The following PRDM12 variants were observed in gnomAD, a reference collection of about 807,000 sequenced individuals.
The protein encoded by PRDM12 is PR/SET domain 12.
Under a neutral mutation model 29.6 loss-of-function variants are expected in PRDM12, and 17 were observed. The ratio of observed to expected loss-of-function variants is 0.57; its 90% CI spans 0.39 to 0.86. The LOEUF is 0.86. PRDM12 is among the 40% of genes least tolerant of loss of function. The pLI is 0.00. For synonymous variants in PRDM12, 231 were observed against 225.8 expected (o/e 1.02, Z -0.21); for missense variants, 422 against 510.8 (o/e 0.83, Z 1.68).
chr9:130,680,656 T>G (rs1361256842), intron 4 of PRDM12, among the ~76,000 whole-genome samples: 1 of 92,262 alleles, frequency 1.1e-5, no homozygotes, highest in Non-Finnish European at 1.9e-5. Flanking sequence ...TATATATATA[T>G]ATATTTTTTT....
At chr9:130,679,229 A>G (rs1448414584) in intron 4 of PRDM12, among the ~76,000 whole-genome samples, 1 of 152,162 alleles carries the variant, frequency 6.6e-6, no homozygotes, top group African/African-American at 2.4e-5. Context: ...TTGCTCGACA[A>G]CTATTTCTTG....
chr9:130,675,911 G>A (rs1210604492), intron 3 of PRDM12, among the ~76,000 whole-genome samples: 2 of 152,138 alleles, frequency 1.3e-5, no homozygotes, highest in Admixed American at 6.5e-5. Flanking sequence ...AATGTTGGAG[G>A]TGACTTACAA....
intron 4 of PRDM12, among the ~76,000 whole-genome samples, chr9:130,679,533 A>T (rs144173180): frequency 8.0e-4 from 121 of 151,958 alleles, no homozygotes; most frequent in African/African-American, 2.8e-3. Context: ...GGGTTTTGTT[A>T]TGTTGGCCAA....
At position 130,668,985 on chromosome 9, in the gene PRDM12, G is replaced by A. The variant is rs781427379; in HGVS notation, c.570+672G>A. On this transcript the variant is annotated intron_variant, in intron 3 of 4. Coordinates refer to ENST00000253008, the MANE Select transcript of PRDM12 (RefSeq NM_021619.3). This position sits in a 1 kb window ranked among gnomAD's most constrained non-coding sequence, Gnocchi z 4.0. ...GGGGAGTGTTAGCACTAATAGCTGC[G>A]CTTCCTGAGCCTTCTCAGAGGAGAC... Among the ~76,000 whole-genome samples the A allele has an allele frequency of 8.5e-5, 13 of 152,264 alleles. No homozygotes were observed. Among genetic ancestry groups the A allele is most frequent in the South Asian group, 2.1e-4 (1 of 4,828 alleles).
Position 130,676,527 on chromosome 9 carries a change from C to A in PRDM12, c.571-2002C>A, listed in dbSNP as rs539164770. Among the ~76,000 whole-genome samples the A allele has an allele frequency of 1.4e-3, 219 of 152,204 alleles. 1 individual carries two copies. The highest frequency in any genetic ancestry group is 4.2e-3 in the African/African-American group (173 of 41,550). On this transcript the variant is annotated intron_variant, in intron 3 of 4. Transcript: ENST00000253008. ...AAACAAAAAAGAAAAACAAAAAAAA[C>A]CACGCAAATCAGAACCTCTTTCTTC...
intron 3 of PRDM12, among the ~76,000 whole-genome samples, chr9:130,678,159 C>T (rs545091615): frequency 6.6e-6 from 1 of 152,144 alleles, no homozygotes; most frequent in Non-Finnish European, 1.5e-5. Flanking sequence ...CTCAGCCCTG[C>T]AGCCCTGGGG....
At position 130,681,864 on chromosome 9, in the gene PRDM12, G is replaced by C; in HGVS notation, c.*195G>C. On this transcript the variant is annotated 3_prime_UTR_variant, in exon 5 of 5. Coordinates refer to ENST00000253008, the MANE Select transcript of PRDM12 (RefSeq NM_021619.3). The surrounding 1 kb of genome is among the most constrained non-coding windows in gnomAD (Gnocchi z 8.1). The stretch of plus-strand genomic sequence containing the variant: ...GTCGCAGATGAGGACACTGAGGGCG[G>C]CGTCCCTCACCCAGGCCACGCAGCT... 4 of 410,728 alleles carry C rather than the reference G, an allele frequency of 9.7e-6. No individual in the cohort carries two copies. Among genetic ancestry groups the C allele is most frequent in the Non-Finnish European group, 1.3e-5 (4 of 304,590 alleles). 25.4% of individuals were successfully genotyped at this position (410,728 alleles called of 1,614,324 possible).
intron 3 of PRDM12, among the ~76,000 whole-genome samples, chr9:130,673,264 C>G (rs571444723): frequency 6.6e-6 from 1 of 152,166 alleles, no homozygotes; most frequent in Non-Finnish European, 1.5e-5. Flanking sequence ...GGCGGGACCC[C>G]GGGAGCCTCT....
At position 130,681,593 on chromosome 9, in the gene PRDM12, A is replaced by ACGCGCC. The variant is rs1298266062; in HGVS notation, c.1034_1039dup (p.Pro345_Ala346dup). 7.5e-6 allele frequency: 8 copies of ACGCGCC among 1,072,150 alleles called. No homozygotes were observed. The highest frequency in any genetic ancestry group is 7.9e-6 in the Non-Finnish European group (7 of 885,426). 66.4% of individuals were successfully genotyped at this position (1,072,150 alleles called of 1,614,324 possible). A position where few individuals can be genotyped will look rare whatever the true frequency, so the allele number is the denominator to read the frequency against. On this transcript the variant is annotated inframe_insertion, in exon 5 of 5. Coordinates refer to ENST00000253008, the MANE Select transcript of PRDM12 (RefSeq NM_021619.3). This position sits in a 1 kb window ranked among gnomAD's most constrained non-coding sequence, Gnocchi z 8.1. ...CCCGCGCTGCCCGCCCCGCACGCGC[A>ACGCGCC]CGCGCCCGCGCTCGCCGCCGCCGCC...
intron 4 of PRDM12, 60 bp downstream of exon 4, chr9:130,678,700 G>A: frequency 7.2e-7 from 1 of 1,386,108 alleles, no homozygotes; most frequent in Non-Finnish European, 1.0e-6. Context: ...GCCCAGGGAG[G>A]GGAGAGAGAG....
intron 3 of PRDM12, among the ~76,000 whole-genome samples, chr9:130,673,047 C>T (rs1194909995): frequency 6.6e-6 from 1 of 152,192 alleles, no homozygotes; most frequent in African/African-American, 2.4e-5. Context: ...GTACAGGACT[C>T]AGTTCCTTTG....
chr9:130,674,042 T>A (rs1412112008), intron 3 of PRDM12, among the ~76,000 whole-genome samples: 1 of 136,210 alleles, frequency 7.3e-6, no homozygotes, highest in Non-Finnish European at 1.6e-5. Context: ...TGAGACAGAG[T>A]CTTGCTCTGT....
chr9:130,681,419 C>T lies in PRDM12; in HGVS notation c.854C>T (p.Thr285Met). ...FCNRRFSQSSTLRNHVRLHTG... is the reference protein window; with the variant it reads ...FCNRRFSQSSMLRNHVRLHTG... ...AACCGCCGCTTCAGCCAGTCGTCCA[C>T]GCTGCGCAACCACGTGCGCCTGCAC... The change falls in exon 5 of 5, where the codon ACG becomes ATG. Residue 285 changes from threonine (T) to methionine (M), a missense_variant. Thr to Met is a moderately conservative substitution (Grantham distance 81). Around this residue, in one of 5 missense-constraint regions of PRDM12, gnomAD observed 24 missense variants for 64.0 expected, o/e 0.38. Coordinates refer to ENST00000253008, the MANE Select transcript of PRDM12 (RefSeq NM_021619.3). This position sits in a 1 kb window ranked among gnomAD's most constrained non-coding sequence, Gnocchi z 8.1. 2 of 1,600,124 alleles carry T rather than the reference C, an allele frequency of 1.2e-6. No individual in the cohort carries two copies. Among genetic ancestry groups the T allele is most frequent in the Non-Finnish European group, 1.7e-6 (2 of 1,176,298 alleles).
rs1830903170 is a variant in PRDM12, at chr9:130,681,600, C to T, written c.1035C>T (p.Pro345=). ...TGCCCGCCCCGCACGCGCACGCGCC[C>T]GCGCTCGCCGCCGCCGCCGCCGCCG... ...PALPAPHAHA[P]ALAAAAAAAA... is the part of the protein sequence containing the mutation. Residue 345 remains proline (P), a synonymous_variant, in exon 5 of 5, where the codon CCC becomes CCT. Coordinates refer to ENST00000253008, the MANE Select transcript of PRDM12 (RefSeq NM_021619.3). The surrounding 1 kb of genome is among the most constrained non-coding windows in gnomAD (Gnocchi z 8.1). The T allele has an allele frequency of 2.1e-5, 21 of 982,308 alleles. 1 individual carries two copies. The South Asian group carries it at 8.8e-4, about 41-fold the overall frequency. 60.8% of individuals were successfully genotyped at this position (982,308 alleles called of 1,614,324 possible).
chr9:130,666,970 C>T (rs1271659827), intron 2 of PRDM12, among the ~76,000 whole-genome samples, 172 bp downstream of exon 2: 1 of 152,228 alleles, frequency 6.6e-6, no homozygotes, highest in African/African-American at 2.4e-5. Context: ...GGAGCTCACC[C>T]CGCCTCTAGG....
Position 130,678,390 on chromosome 9 carries a change from A to C in PRDM12, c.571-139A>C, listed in dbSNP as rs1830862526. On this transcript the variant is annotated intron_variant, in intron 3 of 4. Coordinates refer to ENST00000253008, the MANE Select transcript of PRDM12 (RefSeq NM_021619.3). The stretch of plus-strand genomic sequence containing the variant: ...TTTGTGCAGCTTCCCGGGACAGCTC[A>C]GTGGAAATGGGACTGTGTGGCTTTC... 3 of 629,124 alleles carry C rather than the reference A, an allele frequency of 4.8e-6. No homozygotes were observed. The South Asian group carries it at 5.9e-5, about 12-fold the overall frequency. 39.0% of individuals were successfully genotyped at this position (629,124 alleles called of 1,614,324 possible).
At position 130,681,650 on chromosome 9, in the gene PRDM12, T is replaced by A; in HGVS notation, c.1085T>A (p.Leu362Gln). Residue 362 changes from leucine (L) to glutamine (Q), a missense_variant, in exon 5 of 5, where the codon CTG (leucine) becomes CAG (glutamine). Leu to Gln is a moderately radical substitution (Grantham distance 113). This residue lies in a region of PRDM12 where 66 missense variants were observed against 61.5 expected (regional missense o/e 1.07). Transcript: ENST00000253008. The surrounding 1 kb of genome is among the most constrained non-coding windows in gnomAD (Gnocchi z 8.1). ...AAAAAAAAHH[L>Q]PAMVL ...GCCGCCGCCGCCGCCGCGCACCACC[T>A]GCCGGCCATGGTGCTGTGAGCGCGC... 11 of 977,294 alleles carry A rather than the reference T, an allele frequency of 1.1e-5. No homozygotes were observed. Among genetic ancestry groups the A allele is most frequent in the Non-Finnish European group, 1.2e-5 (10 of 826,500 alleles). 60.5% of individuals were successfully genotyped at this position (977,294 alleles called of 1,614,324 possible).
At chr9:130,665,766 C>A (rs1830727411) in intron 1 of PRDM12, among the ~76,000 whole-genome samples, 1 of 149,534 alleles carries the variant, frequency 6.7e-6, no homozygotes, top group South Asian at 2.1e-4. Context: ...CCGTTTAACC[C>A]CCCCCTTTCA....
chr9:130,668,325 T>C lies in PRDM12; in HGVS notation c.570+12T>C, dbSNP rs774027428. ...ACAAGGCCATTGAGGTGTGTGTGTG[T>C]GTGTGCACTGTTGTGTAGGGACCAG... is the stretch of plus-strand genomic sequence containing the variant. On this transcript the variant is annotated intron_variant, in intron 3 of 4. Transcript: ENST00000253008. This position sits in a 1 kb window ranked among gnomAD's most constrained non-coding sequence, Gnocchi z 4.0. 1 of 1,613,686 alleles carries C rather than the reference T, an allele frequency of 6.2e-7. No individual in the cohort carries two copies. The highest frequency in any genetic ancestry group is 2.2e-5 in the East Asian group (1 of 44,880).
Sources: allele counts gnomAD v4.1 joint callset (sites outside exome capture counted in the v4.1 genomes callset), GRCh38; gene constraint gnomAD v4.1.1; regional missense constraint gnomAD v4.1.1; non-coding constraint Gnocchi (gnomAD v3.1); transcripts MANE v1.5; gene names NCBI Gene and HGNC (gene_info 2026-07-23, HGNC 2026-07-21).